SUSD4: variants seen among roughly 807,000 people sequenced by gnomAD.
The protein encoded by SUSD4 is sushi domain containing 4, also known as sushi domain-containing protein 4.
In SUSD4, 41 loss-of-function variants were observed where a neutral mutation model predicts 50.5. The ratio of observed to expected loss-of-function variants is 0.81; its 90% CI spans 0.63 to 1.05. The LOEUF (loss-of-function observed/expected upper bound fraction) is 1.05, where lower values mean the gene tolerates loss of function less well. Among genes scored for constraint, SUSD4 ranks in the 50% least tolerant of loss-of-function variants. The pLI, the probability that SUSD4 is intolerant of heterozygous loss-of-function variation, is 0.00. For synonymous variants in SUSD4, 257 were observed against 257.3 expected (o/e 1.00, Z 0.01); for missense variants, 580 against 634.7 (o/e 0.91, Z 0.93).
At chr1:223,350,086 C>A (rs939801848) in intron 2 of SUSD4, among the ~76,000 whole-genome samples, 1 of 152,166 alleles carries the variant, frequency 6.6e-6, no homozygotes, top group African/African-American at 2.4e-5. Flanking sequence ...AGGAAGAGAG[C>A]CTTCACCAGA....
At chr1:223,339,172 A>G (rs1012200195) in intron 2 of SUSD4, among the ~76,000 whole-genome samples, 1 of 152,216 alleles carries the variant, frequency 6.6e-6, no homozygotes. Context: ...AGGCTGAGAA[A>G]GAGGAGAACT....
At chr1:223,252,227 AAAAAAAAAAATAT>A (rs1444711528) in intron 5 of SUSD4, among the ~76,000 whole-genome samples, 4 of 128,210 alleles carry the variant, frequency 3.1e-5, no homozygotes, top group Middle Eastern at 3.4e-3. Context: ...ATTAAAAAAA[AAAAAAAAAAATAT>A]ATATATATAT....
chr1:223,252,835 C>T lies in SUSD4; in HGVS notation c.724+11795G>A, dbSNP rs1034520766. On this transcript the variant is annotated intron_variant, in intron 5 of 8. Coordinates refer to ENST00000366878, the MANE Select transcript of SUSD4 (RefSeq NM_017982.4). ...ATGCATTAGGGGCCGGGCGCAGAGG[C>T]TCATGTCTGTAATTCCAGCACTTTG... Among the ~76,000 whole-genome samples, 3 of 151,970 alleles carry T rather than the reference C, an allele frequency of 2.0e-5. No homozygotes were observed. In the Middle Eastern group the frequency reaches 0.01, roughly 517 times the overall value.
chr1:223,322,799 C>T (rs1234180386), intron 2 of SUSD4, among the ~76,000 whole-genome samples: 1 of 152,238 alleles, frequency 6.6e-6, no homozygotes, highest in East Asian at 1.9e-4. Flanking sequence ...GTAAGCTTTT[C>T]ATGGACAGAG....
chr1:223,237,935 T>C (rs912466945), intron 5 of SUSD4, among the ~76,000 whole-genome samples: 1 of 151,990 alleles, frequency 6.6e-6, no homozygotes, highest in Non-Finnish European at 1.5e-5. Context: ...ATGTCTTCCT[T>C]ATATGTTTGG....
intron 5 of SUSD4, among the ~76,000 whole-genome samples, chr1:223,241,308 T>C (rs1660566458): frequency 6.6e-6 from 1 of 152,156 alleles, no homozygotes; most frequent in African/African-American, 2.4e-5. Context: ...GAGGCAAAAC[T>C]CACAAAAGTA....
chr1:223,348,383 T>C (rs1443718948), intron 2 of SUSD4, among the ~76,000 whole-genome samples: 1 of 152,242 alleles, frequency 6.6e-6, no homozygotes, highest in Non-Finnish European at 1.5e-5. Flanking sequence ...CATTCATCTC[T>C]GACTCTCCCA....
At chr1:223,272,004 A>T (rs1227419756) in intron 3 of SUSD4, among the ~76,000 whole-genome samples, 2 of 152,230 alleles carry the variant, frequency 1.3e-5, no homozygotes, top group African/African-American at 4.8e-5. Flanking sequence ...AGGTGGGTGG[A>T]TCACCTGAGG....
At position 223,293,100 on chromosome 1, in the gene SUSD4, T is replaced by C. The variant is rs143557388; in HGVS notation, c.149-449A>G. On this transcript the variant is annotated intron_variant, in intron 2 of 8. Coordinates refer to ENST00000366878, the MANE Select transcript of SUSD4 (RefSeq NM_017982.4). ...TGGTTTTCTAACGGTAGAAATGGCA[T>C]GAACAGTGAATGGCTGGGGACTGGA... Among the ~76,000 whole-genome samples, 352 of 152,218 alleles carry C rather than the reference T, an allele frequency of 2.3e-3. 2 individuals are homozygous for C. Among genetic ancestry groups the C allele is most frequent in the South Asian group, 7.5e-3 (36 of 4,818 alleles).
chr1:223,322,762 C>T (rs1215337539), intron 2 of SUSD4, among the ~76,000 whole-genome samples: 1 of 152,168 alleles, frequency 6.6e-6, no homozygotes, highest in Non-Finnish European at 1.5e-5. Context: ...TGAAATTATT[C>T]GTCATGAATC....
At chr1:223,340,149 G>A (rs1667675495) in intron 2 of SUSD4, among the ~76,000 whole-genome samples, 1 of 152,194 alleles carries the variant, frequency 6.6e-6, no homozygotes, top group Non-Finnish European at 1.5e-5. Context: ...ATGGGCTTCA[G>A]TCTAGGCCCA....
At chr1:223,363,585 G>T in intron 1 of SUSD4, 125 bp from the exon 2 acceptor site, 1 of 1,161,582 alleles carries the variant, frequency 8.6e-7, no homozygotes. Context: ...CCTCCCCCGC[G>T]CGGCCCCCGC....
intron 5 of SUSD4, among the ~76,000 whole-genome samples, chr1:223,241,952 G>A (rs899072477): frequency 3.3e-5 from 5 of 152,176 alleles, no homozygotes; most frequent in African/African-American, 7.2e-5. Flanking sequence ...GAGTATGTAT[G>A]TATGTATGAG....
intron 2 of SUSD4, among the ~76,000 whole-genome samples, chr1:223,310,213 C>G (rs1665790465): frequency 6.6e-6 from 1 of 152,210 alleles, no homozygotes; most frequent in South Asian, 2.1e-4. Flanking sequence ...AAGAACCAGC[C>G]TCTGAACCCA....
Position 223,363,479 on chromosome 1 carries a change from C to A in SUSD4, c.-35-19G>T, listed in dbSNP as rs1437447446. 3 of 1,479,148 alleles carry A rather than the reference C, an allele frequency of 2.0e-6. No individual in the cohort carries two copies. Among genetic ancestry groups the A allele is most frequent in the Non-Finnish European group, 2.7e-6 (3 of 1,103,070 alleles). 91.6% of individuals were successfully genotyped at this position (1,479,148 alleles called of 1,614,324 possible). On this transcript the variant is annotated intron_variant, in intron 1 of 8. Coordinates refer to ENST00000366878, the MANE Select transcript of SUSD4 (RefSeq NM_017982.4). ...CAAGAGTCTGCAACCAGAAGCGGAA[C>A]ACCACAATAAGCCAGTCTGTCCGGG...
chr1:223,320,275 G>A (rs1193913231), intron 2 of SUSD4, among the ~76,000 whole-genome samples: 1 of 152,224 alleles, frequency 6.6e-6, no homozygotes, highest in African/African-American at 2.4e-5. Flanking sequence ...AGAGACAGCA[G>A]TGCAGTATTT....
At chr1:223,249,260 G>C (rs539506146) in intron 5 of SUSD4, among the ~76,000 whole-genome samples, 1 of 152,126 alleles carries the variant, frequency 6.6e-6, no homozygotes, top group East Asian at 1.9e-4. Context: ...AAAATGGAGC[G>C]TGTGTCCCAC....
chr1:223,285,864 G>C (rs149688403), intron 3 of SUSD4, among the ~76,000 whole-genome samples: 133 of 152,312 alleles, frequency 8.7e-4, no homozygotes, highest in African/African-American at 3.1e-3. Flanking sequence ...GGAGAGAGGA[G>C]AGGATCAAAA....
At position 223,229,504 on chromosome 1, in the gene SUSD4, C is replaced by T; in HGVS notation, c.725-116G>A. 1.0e-6 allele frequency: 1 copy of T among 976,686 alleles called. No homozygotes were observed. The highest frequency in any genetic ancestry group is 1.5e-6 in the Non-Finnish European group (1 of 689,056). The allele number at this position is 976,686 out of a possible 1,614,324, so 60.5% of individuals were successfully genotyped here. ...GTTAAAAATGTGCTTATGGATTAAT[C>T]ACCAGGCTACTGAGTTGCATTAGAG... is the stretch of plus-strand genomic sequence containing the variant. On this transcript the variant is annotated intron_variant, in intron 5 of 8. Transcript: ENST00000366878. This position sits in a 1 kb window ranked among gnomAD's most constrained non-coding sequence, Gnocchi z 4.7.
Sources: gnomAD v4.1 joint callset for allele counts (sites outside exome capture counted in the v4.1 genomes callset) on GRCh38, gnomAD v4.1.1 for gene constraint, Gnocchi (gnomAD v3.1) non-coding constraint, MANE v1.5 for transcripts, NCBI Gene and HGNC (gene_info 2026-07-23, HGNC 2026-07-21) for gene names.